The following LDB2 variants were observed in gnomAD, a reference collection of about 807,000 sequenced individuals.
LDB2 encodes LIM domain-binding protein 2.
In LDB2, 12 loss-of-function variants were observed where a neutral mutation model predicts 44.3. The observed-to-expected ratio is 0.27, with a 90% confidence interval of 0.17 to 0.44. LDB2 has a LOEUF of 0.44. Among genes scored for constraint, LDB2 ranks in the 20% least tolerant of loss-of-function variants. LDB2 has a pLI of 1.00. For missense variants in LDB2, 344 were observed against 473.5 expected (o/e 0.73, Z 2.54); for synonymous variants, 164 against 174.8 (o/e 0.94, Z 0.49).
chr4:16,592,853 C>T (rs1719613922), intron 3 of LDB2, among the ~76,000 whole-genome samples: 1 of 151,986 alleles, frequency 6.6e-6, no homozygotes, highest in Non-Finnish European at 1.5e-5. Context: ...AGTGTTCCTC[C>T]CAGAATCCAC....
chr4:16,862,806 G>A (rs966361370), intron 1 of LDB2, among the ~76,000 whole-genome samples: 1 of 152,106 alleles, frequency 6.6e-6, no homozygotes, highest in Non-Finnish European at 1.5e-5. Context: ...TAAACCAAAC[G>A]ATAAGAGAGA....
At chr4:16,508,461 A>G (rs937309784) in intron 7 of LDB2, 74 bp downstream of exon 7, 3 of 1,088,680 alleles carry the variant, frequency 2.8e-6, no homozygotes, top group Non-Finnish European at 3.7e-6. Context: ...TAATGAAAAG[A>G]GACTTTAATT....
chr4:16,659,867 T>C (rs1741065087), intron 2 of LDB2, among the ~76,000 whole-genome samples: 1 of 152,086 alleles, frequency 6.6e-6, no homozygotes, highest in African/African-American at 2.4e-5. Flanking sequence ...CGCTTTGTGA[T>C]CCTTACAAAG....
intron 1 of LDB2, among the ~76,000 whole-genome samples, chr4:16,841,991 T>C (rs530909633): frequency 5.3e-5 from 8 of 152,326 alleles, no homozygotes. Context: ...ATTTATACAT[T>C]CATTCTAGAA....
chr4:16,764,373 A>C (rs1164066055), intron 1 of LDB2, among the ~76,000 whole-genome samples: 1 of 152,110 alleles, frequency 6.6e-6, no homozygotes, highest in Non-Finnish European at 1.5e-5. Context: ...AATGTGGATA[A>C]TAAAGAGATT....
At chr4:16,877,163 G>A (rs1718675305) in intron 1 of LDB2, among the ~76,000 whole-genome samples, 1 of 152,190 alleles carries the variant, frequency 6.6e-6, no homozygotes, top group South Asian at 2.1e-4. Context: ...AAAAGAAAAT[G>A]ATGTCAGTTT....
intron 1 of LDB2, among the ~76,000 whole-genome samples, chr4:16,812,476 CCA>C (rs1229735262): frequency 6.6e-6 from 1 of 151,572 alleles, no homozygotes; most frequent in African/African-American, 2.4e-5. Flanking sequence ...GGGGGAGATA[CCA>C]CTCTTCTCTG....
intron 7 of LDB2, 84 bp downstream of exon 7, chr4:16,508,451 T>A: frequency 1.1e-5 from 13 of 1,152,852 alleles, no homozygotes; most frequent in Non-Finnish European, 1.5e-5. Flanking sequence ...TTTTTTTTTC[T>A]AATGAAAAGA....
intron 2 of LDB2, among the ~76,000 whole-genome samples, chr4:16,664,707 A>G (rs981800633): frequency 2.0e-5 from 3 of 152,238 alleles, no homozygotes; most frequent in African/African-American, 7.2e-5. Flanking sequence ...CAAGGCATAA[A>G]ATAATGGATC....
At chr4:16,773,847 A>T (rs1183512515) in intron 1 of LDB2, among the ~76,000 whole-genome samples, 2 of 151,906 alleles carry the variant, frequency 1.3e-5, no homozygotes, top group Non-Finnish European at 2.9e-5. Flanking sequence ...GGATTCTCCC[A>T]TCTCAGCCTC....
intron 2 of LDB2, among the ~76,000 whole-genome samples, chr4:16,699,883 G>T (rs1194572324): frequency 6.6e-6 from 1 of 152,194 alleles, no homozygotes; most frequent in East Asian, 1.9e-4. Flanking sequence ...CACTTAGAAC[G>T]CATGTACAGT....
intron 7 of LDB2, chr4:16,506,075 C>G (rs541146113): frequency 2.9e-6 from 4 of 1,392,526 alleles, no homozygotes; most frequent in African/African-American, 1.4e-5. Context: ...CAGACCACAG[C>G]TGTGGTCATA....
intron 2 of LDB2, among the ~76,000 whole-genome samples, chr4:16,606,015 G>T (rs1366358883): frequency 1.3e-5 from 2 of 152,108 alleles, no homozygotes; most frequent in African/African-American, 4.8e-5. Context: ...GTAAGTGTAG[G>T]TTCCCTGACC....
chr4:16,753,562 G>A (rs1185163666), intron 2 of LDB2, among the ~76,000 whole-genome samples: 1 of 152,204 alleles, frequency 6.6e-6, no homozygotes. Context: ...ACTATCTAAT[G>A]AGCCTTGGTG....
intron 2 of LDB2, among the ~76,000 whole-genome samples, chr4:16,665,619 C>T (rs1261288933): frequency 6.6e-6 from 1 of 152,100 alleles, no homozygotes; most frequent in African/African-American, 2.4e-5. Context: ...CTTAAAGTGG[C>T]TGAATCCTAC....
intron 1 of LDB2, among the ~76,000 whole-genome samples, chr4:16,815,812 C>T (rs996738142): frequency 1.4e-4 from 21 of 152,328 alleles, no homozygotes; most frequent in African/African-American, 2.4e-4. Flanking sequence ...GCTGAACTGT[C>T]AGCTCTGAAA....
chr4:16,530,945 A>T (rs1464825233), intron 5 of LDB2, among the ~76,000 whole-genome samples: 1 of 152,196 alleles, frequency 6.6e-6, no homozygotes, highest in Non-Finnish European at 1.5e-5. Context: ...TTCATAAATG[A>T]TCTCATTTTG....
intron 1 of LDB2, among the ~76,000 whole-genome samples, chr4:16,868,485 C>A (rs1715427708): frequency 6.6e-6 from 1 of 152,196 alleles, no homozygotes; most frequent in African/African-American, 2.4e-5. Flanking sequence ...CCACCCAACC[C>A]CTTCTGCCAC....
intron 1 of LDB2, among the ~76,000 whole-genome samples, chr4:16,883,597 G>C (rs1175837723): frequency 1.3e-5 from 2 of 152,182 alleles, no homozygotes; most frequent in African/African-American, 4.8e-5. Flanking sequence ...CTGAGTGTCA[G>C]AGACTCATGT....
Sources: allele counts gnomAD v4.1 joint callset (sites outside exome capture counted in the v4.1 genomes callset), GRCh38; gene constraint gnomAD v4.1.1; transcripts MANE v1.5; gene names NCBI Gene and HGNC (gene_info 2026-07-23, HGNC 2026-07-21).